TAB2: variants seen among roughly 807,000 people sequenced by gnomAD.
TAB2 encodes the protein TGF-beta-activated kinase 1 and MAP3K7-binding protein 2.
TAB2 carries 3 observed loss-of-function variants against 65.0 expected under a neutral mutation model. The observed-to-expected ratio is 0.05, with a 90% CI of 0.02 to 0.12. The LOEUF (loss-of-function observed/expected upper bound fraction) is 0.12. Ranked by LOEUF, TAB2 falls within the 10% of genes least tolerant of loss-of-function variation. The pLI is 1.00. For missense variants in TAB2, 623 were observed against 840.3 expected (o/e 0.74, Z 3.20); for synonymous variants, 298 against 285.1 (o/e 1.05, Z -0.46).
intron 1 of TAB2, among the ~76,000 whole-genome samples, chr6:149,352,735 T>C (rs1464723598): frequency 1.3e-5 from 2 of 152,186 alleles, no homozygotes; most frequent in Non-Finnish European, 2.9e-5. Context: ...TAAGCAGTTG[T>C]CTTGAGAGGG....
At chr6:149,364,674 G>A (rs1313639706) in intron 1 of TAB2, among the ~76,000 whole-genome samples, 1 of 149,822 alleles carries the variant, frequency 6.7e-6, no homozygotes, top group African/African-American at 2.5e-5. Context: ...ATAAATAGAT[G>A]ATGATAGTCC....
At chr6:149,385,038 A>G (rs1011657562) in intron 3 of TAB2, among the ~76,000 whole-genome samples, 3 of 152,150 alleles carry the variant, frequency 2.0e-5, no homozygotes, top group Admixed American at 6.5e-5. Context: ...TTAAAGTCCT[A>G]CCATAGTGTT....
At chr6:149,347,056 T>C (rs747162079) in intron 1 of TAB2, 4 of 152,218 alleles carry the variant, frequency 2.6e-5, no homozygotes, top group Admixed American at 6.5e-5. Flanking sequence ...AATAATGTAT[T>C]GCAAAATAAT....
intron 1 of TAB2, among the ~76,000 whole-genome samples, chr6:149,274,999 G>T (rs1466881270): frequency 6.6e-6 from 1 of 152,090 alleles, no homozygotes; most frequent in East Asian, 1.9e-4. Flanking sequence ...AGAATGTCTG[G>T]CTTCTCTCTC....
intron 6 of TAB2, chr6:149,400,874 C>T: frequency 4.9e-6 from 3 of 611,268 alleles, no homozygotes; most frequent in Non-Finnish European, 8.3e-6. Flanking sequence ...AAGCATATTG[C>T]TTTTTTCTTC....
intron 1 of TAB2, among the ~76,000 whole-genome samples, chr6:149,267,936 A>T (rs1436040506): frequency 6.6e-6 from 1 of 152,232 alleles, no homozygotes; most frequent in East Asian, 1.9e-4. Context: ...CCAAAACGTC[A>T]TTATGTGGCA....
intron 1 of TAB2, among the ~76,000 whole-genome samples, chr6:149,320,097 G>A (rs552696421): frequency 6.6e-6 from 1 of 151,778 alleles, no homozygotes; most frequent in South Asian, 2.1e-4. Flanking sequence ...TTTTTGTTTT[G>A]AGACAGTCTC....
At chr6:149,364,073 C>T (rs890776285) in intron 1 of TAB2, among the ~76,000 whole-genome samples, 2 of 152,190 alleles carry the variant, frequency 1.3e-5, no homozygotes, top group Admixed American at 1.3e-4. Context: ...TTCCACTTCT[C>T]TCTACCTAGT....
At chr6:149,389,757 C>G (rs1735659274) in intron 3 of TAB2, among the ~76,000 whole-genome samples, 1 of 151,770 alleles carries the variant, frequency 6.6e-6, no homozygotes. Context: ...TGCATCTAGG[C>G]CTGTTTTCAT....
intron 2 of TAB2, among the ~76,000 whole-genome samples, chr6:149,370,659 C>A (rs1040769007): frequency 2.6e-5 from 4 of 151,984 alleles, no homozygotes; most frequent in Admixed American, 2.6e-4. Context: ...ATTAGTATCA[C>A]CCTCTAATTT....
chr6:149,405,624 T>TCCA (rs1782637508), intron 6 of TAB2, among the ~76,000 whole-genome samples: 1 of 152,208 alleles, frequency 6.6e-6, no homozygotes, highest in Admixed American at 6.5e-5. Flanking sequence ...GGAGGATGTC[T>TCCA]TGCTAAGTGA....
At chr6:149,271,717 A>G (rs1778368318) in intron 1 of TAB2, among the ~76,000 whole-genome samples, 1 of 152,192 alleles carries the variant, frequency 6.6e-6, no homozygotes, top group Non-Finnish European at 1.5e-5. Flanking sequence ...GAGTCTACGT[A>G]GGGGATCACA....
intron 1 of TAB2, among the ~76,000 whole-genome samples, chr6:149,265,704 T>C (rs1023743742): frequency 6.6e-6 from 1 of 152,170 alleles, no homozygotes; most frequent in Non-Finnish European, 1.5e-5. Flanking sequence ...CTTGGAGTTG[T>C]AAGACTGGGG....
intron 1 of TAB2, among the ~76,000 whole-genome samples, chr6:149,344,906 A>G (rs1457778282): frequency 6.6e-6 from 1 of 152,224 alleles, no homozygotes; most frequent in Non-Finnish European, 1.5e-5. Context: ...GACTTGGCTC[A>G]TAGTAAGTGT....
At chr6:149,403,700 G>A (rs934012922) in intron 6 of TAB2, among the ~76,000 whole-genome samples, 14 of 151,980 alleles carry the variant, frequency 9.2e-5, no homozygotes, top group African/African-American at 3.4e-4. Context: ...TTCTGGAGAG[G>A]CTTCAGGGAA....
intron 2 of TAB2, among the ~76,000 whole-genome samples, chr6:149,373,964 G>C (rs1449334905): frequency 6.6e-6 from 1 of 152,178 alleles, no homozygotes; most frequent in African/African-American, 2.4e-5. Flanking sequence ...ACTTGAAGCT[G>C]TTCCCAGTAA....
chr6:149,302,609 T>C (rs1778989314), intron 1 of TAB2, among the ~76,000 whole-genome samples: 1 of 152,248 alleles, frequency 6.6e-6, no homozygotes, highest in African/African-American at 2.4e-5. Flanking sequence ...CTTCTGATGA[T>C]GGAGGAGTCC....
chr6:149,283,121 G>A (rs1205394267), intron 1 of TAB2, among the ~76,000 whole-genome samples: 1 of 152,146 alleles, frequency 6.6e-6, no homozygotes, highest in Admixed American at 6.5e-5. Context: ...TTTAGTGCGG[G>A]AGGCTCCCCG....
At chr6:149,386,184 T>G (rs899364315) in intron 3 of TAB2, among the ~76,000 whole-genome samples, 25 of 152,230 alleles carry the variant, frequency 1.6e-4, no homozygotes, top group African/African-American at 5.5e-4. Context: ...TACTCTACAA[T>G]ATGTCTGACA....
Sources: allele counts gnomAD v4.1 joint callset (sites outside exome capture counted in the v4.1 genomes callset), GRCh38; gene constraint gnomAD v4.1.1; transcripts MANE v1.5; gene names NCBI Gene and HGNC (gene_info 2026-07-23, HGNC 2026-07-21).